The following A1CF variants were observed in gnomAD, a reference collection of about 807,000 sequenced individuals.
The protein encoded by A1CF is APOBEC-1 stimulating protein.
Under a neutral mutation model 68.9 loss-of-function variants are expected in A1CF, and 48 were observed. The ratio of observed to expected loss-of-function variants is 0.70; its 90% CI spans 0.55 to 0.89. A1CF has a LOEUF of 0.89. Among genes scored for constraint, A1CF ranks in the 40% least tolerant of loss-of-function variants. The pLI is 0.00. For missense variants in A1CF, 653 were observed against 718.9 expected (o/e 0.91, Z 1.05); for synonymous variants, 272 against 260.4 (o/e 1.04, Z -0.43).
chr10:50,851,125 A>G (rs540254175), intron 3 of A1CF, among the ~76,000 whole-genome samples: 2 of 152,312 alleles, frequency 1.3e-5, no homozygotes, highest in Admixed American at 6.5e-5. Context: ...TTGTATAATC[A>G]TTCTTCTCCT....
intron 7 of A1CF, among the ~76,000 whole-genome samples, chr10:50,827,058 G>T (rs1215520343): frequency 6.6e-6 from 1 of 152,110 alleles, no homozygotes; most frequent in Non-Finnish European, 1.5e-5. Flanking sequence ...AATGGTAAAG[G>T]AATCAATTCA....
At chr10:50,849,671 A>C (rs1840145118) in intron 3 of A1CF, among the ~76,000 whole-genome samples, 1 of 152,050 alleles carries the variant, frequency 6.6e-6, no homozygotes, top group Non-Finnish European at 1.5e-5. Flanking sequence ...ATTTATTTTA[A>C]TGTACATTAG....
At position 50,844,749 on chromosome 10, in the gene A1CF, G is replaced by A. The variant is rs186763930; in HGVS notation, c.100-627C>T. Among the ~76,000 whole-genome samples the A allele has an allele frequency of 9.2e-5, 14 of 152,252 alleles. No individual in the cohort carries two copies. In the East Asian group the frequency reaches 1.9e-3, roughly 21 times the overall value. On this transcript the variant is annotated intron_variant, in intron 3 of 12. Coordinates refer to ENST00000373997, the MANE Select transcript of A1CF (RefSeq NM_014576.4). The stretch of plus-strand genomic sequence containing the variant: ...AAAGTAAAAAGAAAAATTCTCCAAT[G>A]TATCACTGTACCATCCTTAGAAGTA...
intron 7 of A1CF, among the ~76,000 whole-genome samples, chr10:50,825,847 T>G (rs908246989): frequency 3.3e-5 from 5 of 152,164 alleles, no homozygotes; most frequent in Non-Finnish European, 7.4e-5. Flanking sequence ...TGTATTCCAT[T>G]AGGCCAGTGG....
rs1841969429 is a variant in A1CF, at chr10:50,885,598, T to TC, written c.-112dup. On this transcript the variant is annotated 5_prime_UTR_variant, in exon 1 of 13. Coordinates refer to ENST00000373997, the MANE Select transcript of A1CF (RefSeq NM_014576.4). The stretch of plus-strand genomic sequence containing the variant: ...GATCATACCTGAGTAATTTCAGAGA[T>TC]CCCCACCCGGAAAAGGTTTCCTTGA... The TC allele has an allele frequency of 6.6e-6, 1 of 152,078 alleles. No homozygotes were observed. The highest frequency in any genetic ancestry group is 2.4e-5 in the African/African-American group (1 of 41,396). 9.4% of individuals were successfully genotyped at this position (152,078 alleles called of 1,614,324 possible).
intron 7 of A1CF, among the ~76,000 whole-genome samples, chr10:50,823,165 G>C (rs1033166424): frequency 6.6e-6 from 1 of 152,076 alleles, no homozygotes; most frequent in Non-Finnish European, 1.5e-5. Flanking sequence ...TCTGGTTTTG[G>C]AAAATTTGAT....
chr10:50,840,018 A>T (rs1000461078), intron 5 of A1CF, among the ~76,000 whole-genome samples: 1 of 152,216 alleles, frequency 6.6e-6, no homozygotes, highest in Non-Finnish European at 1.5e-5. Context: ...CTAGGATTAC[A>T]GGCGTGAGTC....
intron 1 of A1CF, among the ~76,000 whole-genome samples, chr10:50,877,069 T>G (rs1841548498): frequency 6.6e-6 from 1 of 152,220 alleles, no homozygotes; most frequent in East Asian, 1.9e-4. Flanking sequence ...TTCTAGAAGA[T>G]TCCTGGGGAA....
At chr10:50,814,959 G>A (rs1038241301) in intron 9 of A1CF, among the ~76,000 whole-genome samples, 2 of 152,180 alleles carry the variant, frequency 1.3e-5, no homozygotes, top group South Asian at 2.1e-4. Context: ...TTTGGGGCAA[G>A]TAATTATGAG....
chr10:50,816,357 C>A, intron 8 of A1CF, 78 bp from the exon 9 acceptor site: 2 of 1,444,338 alleles, frequency 1.4e-6, no homozygotes, highest in South Asian at 2.5e-5. Context: ...AATAACATGA[C>A]TCCTTCTAAG....
At chr10:50,874,647 C>T (rs1359199099) in intron 1 of A1CF, among the ~76,000 whole-genome samples, 1 of 152,234 alleles carries the variant, frequency 6.6e-6, no homozygotes, top group African/African-American at 2.4e-5. Context: ...CCCAAAACTT[C>T]ACTGTAATCT....
At chr10:50,847,299 C>G (rs979422377) in intron 3 of A1CF, among the ~76,000 whole-genome samples, 1 of 152,174 alleles carries the variant, frequency 6.6e-6, no homozygotes, top group Non-Finnish European at 1.5e-5. Flanking sequence ...GGTGGAAAGT[C>G]TTCACCTATG....
chr10:50,826,516 A>G (rs1015455650), intron 7 of A1CF, among the ~76,000 whole-genome samples: 4 of 152,196 alleles, frequency 2.6e-5, no homozygotes, highest in Non-Finnish European at 5.9e-5. Context: ...CCAGAATTTC[A>G]TATCCAGCCA....
Position 50,841,914 on chromosome 10 carries a change from T to C in A1CF, c.313A>G (p.Asn105Asp). The change falls in exon 5 of 13, where the codon AAT (asparagine) becomes GAT (aspartate). Residue 105 changes from asparagine (N) to aspartate (D), a missense_variant. Asn to Asp is a conservative substitution (Grantham distance 23). Coordinates refer to ENST00000373997, the MANE Select transcript of A1CF (RefSeq NM_014576.4). Reference sequence around the variant, plus strand: ...ATTGCATTCTTGGCTTCCACTTTATTTGAAAATGTTACAAATGCATATCCT... The same window carrying C: ...ATTGCATTCTTGGCTTCCACTTTATCTGAAAATGTTACAAATGCATATCCT... ...NRGYAFVTFS[N>D]KVEAKNAIKQ... The C allele has an allele frequency of 1.9e-6, 3 of 1,613,332 alleles. No homozygotes were observed. The highest frequency in any genetic ancestry group is 1.1e-5 in the South Asian group (1 of 90,968).
Position 50,803,531 on chromosome 10 carries a change from T to C in A1CF, c.*3198A>G, listed in dbSNP as rs1395807917. On this transcript the variant is annotated 3_prime_UTR_variant, in exon 13 of 13. Transcript: ENST00000373997. ...ATATCCTAGTCATCTAGGAGAATTA[T>C]ATTTTGTTGCAGTTGAAGGTGCTGT... 1 of 152,224 alleles carries C rather than the reference T, an allele frequency of 6.6e-6. No individual in the cohort carries two copies. 9.4% of individuals were successfully genotyped at this position (152,224 alleles called of 1,614,324 possible).
Position 50,820,561 on chromosome 10 carries a change from TA to T in A1CF, c.857del (p.Leu286Ter). Reference sequence around the variant, plus strand: ...CTTTCTTCTACCTTACCTTGCCATTTAAAGCTTTCATAGCCTCAACTGCATC... The same window carrying T: ...CTTTCTTCTACCTTACCTTGCCATTTAAGCTTTCATAGCCTCAACTGCATC... Reference protein sequence around the residue: ...REDAVEAMKALNGKVLDGSPI... With the variant: ...REDAVEAMKAXNGKVLDGSPI... On this transcript the variant is annotated frameshift_variant, in exon 8 of 13. Transcript: ENST00000373997. LOFTEE classifies it high-confidence loss of function. 6.2e-7 allele frequency: 1 copy of T among 1,613,214 alleles called. No homozygotes were observed. Among genetic ancestry groups the T allele is most frequent in the Non-Finnish European group, 8.5e-7 (1 of 1,179,640 alleles).
rs753047453 is a variant in A1CF, at chr10:50,841,878, TA to T, written c.348del (p.Asn117IlefsTer11). The T allele has an allele frequency of 6.2e-7, 1 of 1,613,294 alleles. No homozygotes were observed. The highest frequency in any genetic ancestry group is 1.1e-5 in the South Asian group (1 of 91,016). On this transcript the variant is annotated frameshift_variant, in exon 5 of 13. Transcript: ENST00000373997. LOFTEE classifies it high-confidence loss of function. ...GGAGCTTACCTAATTTCATAATTAT[TA>T]AGTTGCTTGATTGCATTCTTGGCTT... Reference protein sequence around the residue: ...KVEAKNAIKQLNNYEIRNGRL... With the variant: ...KVEAKNAIKQXNNYEIRNGRL...
chr10:50,881,478 T>G (rs1841772127), intron 1 of A1CF, among the ~76,000 whole-genome samples: 1 of 152,188 alleles, frequency 6.6e-6, no homozygotes, highest in Non-Finnish European at 1.5e-5. Flanking sequence ...TGAATTGACA[T>G]CAACTATAAG....
chr10:50,812,350 T>C (rs1246555154), intron 10 of A1CF, among the ~76,000 whole-genome samples: 1 of 152,188 alleles, frequency 6.6e-6, no homozygotes, highest in Non-Finnish European at 1.5e-5. Context: ...TCTGTGTTGG[T>C]TGGTGGTGGC....
Sources: allele counts gnomAD v4.1 joint callset (sites outside exome capture counted in the v4.1 genomes callset), GRCh38; gene constraint gnomAD v4.1.1; transcripts MANE v1.5; gene names NCBI Gene and HGNC (gene_info 2026-07-23, HGNC 2026-07-21).